Variants in XYLT1 observed in about 807,000 individuals in gnomAD.
XYLT1 encodes xylosyltransferase 1, also known as beta-D-xylosyltransferase 1.
A neutral mutation model predicts 91.3 loss-of-function variants in XYLT1; 36 were observed. That is an observed-to-expected ratio of 0.39 (90% CI 0.30 to 0.52). The LOEUF is 0.52. XYLT1 is among the 20% of genes least tolerant of loss of function. The pLI, the probability that XYLT1 is intolerant of heterozygous loss-of-function variation, is 0.68. For missense variants in XYLT1, 1,242 were observed against 1,284.5 expected (o/e 0.97, Z 0.51); for synonymous variants, 588 against 532.0 (o/e 1.11, Z -1.45).
intron 5 of XYLT1, among the ~76,000 whole-genome samples, chr16:17,162,085 T>C (rs895449170): frequency 6.6e-6 from 1 of 152,200 alleles, no homozygotes; most frequent in African/African-American, 2.4e-5. Context: ...CACATTTTAT[T>C]GCATTTGATA....
chr16:17,183,352 A>G (rs1205495391), intron 5 of XYLT1, among the ~76,000 whole-genome samples: 2 of 152,202 alleles, frequency 1.3e-5, no homozygotes, highest in Admixed American at 1.3e-4. Flanking sequence ...TCATCCAGAT[A>G]CAGAAACCAA....
intron 1 of XYLT1, among the ~76,000 whole-genome samples, chr16:17,423,049 G>A (rs1404894207): frequency 6.6e-6 from 1 of 152,332 alleles, no homozygotes; most frequent in Admixed American, 6.5e-5. Context: ...CCAAATGTGG[G>A]ACCTTCAATA....
intron 1 of XYLT1, among the ~76,000 whole-genome samples, chr16:17,432,022 T>C (rs1259594734): frequency 1.1e-4 from 17 of 152,180 alleles, no homozygotes; most frequent in Non-Finnish European, 2.5e-4. Context: ...ATACCAATGG[T>C]TGTATTTCAC....
At chr16:17,191,023 T>C (rs1189011040) in intron 5 of XYLT1, among the ~76,000 whole-genome samples, 1 of 152,142 alleles carries the variant, frequency 6.6e-6, no homozygotes, top group African/African-American at 2.4e-5. Context: ...AACCCTGCCT[T>C]ATTTGGTTGT....
chr16:17,231,988 G>C (rs1338492647), intron 3 of XYLT1, among the ~76,000 whole-genome samples: 1 of 150,880 alleles, frequency 6.6e-6, no homozygotes, highest in Non-Finnish European at 1.5e-5. Context: ...AATGTAACTA[G>C]TCCATAGGAA....
At position 17,229,480 on chromosome 16, in the gene XYLT1, G is replaced by GC. The variant is rs2033126424; in HGVS notation, c.914-28827dup. On this transcript the variant is annotated intron_variant, in intron 3 of 11. Coordinates refer to ENST00000261381, the MANE Select transcript of XYLT1 (RefSeq NM_022166.4). ...GTATGGAGTCTACTCCAAGTGCTGG[G>GC]CTAGGCCCCAGCCTTATGGCTTATG... is the stretch of plus-strand genomic sequence containing the variant. Among the ~76,000 whole-genome samples, 6 of 152,328 alleles carry GC rather than the reference G, an allele frequency of 3.9e-5. No homozygotes were observed. In the South Asian group the frequency reaches 1.2e-3, roughly 32 times the overall value.
At chr16:17,314,312 C>T (rs2034592938) in intron 2 of XYLT1, among the ~76,000 whole-genome samples, 2 of 152,152 alleles carry the variant, frequency 1.3e-5, no homozygotes, top group African/African-American at 4.8e-5. Flanking sequence ...ACTCATCACC[C>T]ACAAAACAGC....
intron 2 of XYLT1, among the ~76,000 whole-genome samples, chr16:17,274,937 G>C (rs549785376): frequency 1.2e-4 from 18 of 152,146 alleles, no homozygotes; most frequent in Non-Finnish European, 2.5e-4. Flanking sequence ...AGCACTTTGG[G>C]AGGCTGAGGC....
chr16:17,421,935 T>C (rs1567197391), intron 1 of XYLT1, among the ~76,000 whole-genome samples: 1 of 152,168 alleles, frequency 6.6e-6, no homozygotes, highest in Non-Finnish European at 1.5e-5. Context: ...ACTCCTGGGC[T>C]GAAGCAATGT....
chr16:17,391,038 A>G (rs1408426686), intron 1 of XYLT1, among the ~76,000 whole-genome samples: 2 of 151,990 alleles, frequency 1.3e-5, no homozygotes, highest in Admixed American at 6.5e-5. Flanking sequence ...ACTCCTTCTC[A>G]AAAGAAAAAA....
chr16:17,261,628 G>C (rs1452411510), intron 2 of XYLT1, among the ~76,000 whole-genome samples: 1 of 152,174 alleles, frequency 6.6e-6, no homozygotes, highest in Non-Finnish European at 1.5e-5. Flanking sequence ...CCAGCTAAAT[G>C]AATCTGCTAG....
rs1264164741 is a variant in XYLT1 at position 17,102,526 on chromosome 16, T to C, written c.*6169A>G. On this transcript the variant is annotated 3_prime_UTR_variant, in exon 12 of 12. Transcript: ENST00000261381. ...ATACAGCTAAGGCACAATTTTGTTG[T>C]TGTTGTTGTTCTGCAAAATAAAAAG... The C allele has an allele frequency of 1.3e-5, 2 of 152,600 alleles. No individual in the cohort carries two copies. The highest frequency in any genetic ancestry group is 4.8e-5 in the African/African-American group (2 of 41,448). The allele number at this position is 152,600 out of a possible 1,614,324, so 9.5% of individuals were successfully genotyped here. A position where few individuals can be genotyped will look rare whatever the true frequency, so the allele number is the denominator to read the frequency against.
At chr16:17,305,960 G>A (rs1428151480) in intron 2 of XYLT1, among the ~76,000 whole-genome samples, 1 of 152,084 alleles carries the variant, frequency 6.6e-6, no homozygotes, top group Non-Finnish European at 1.5e-5. Flanking sequence ...TCTGGCTAAG[G>A]ACAGGAAGGG....
intron 3 of XYLT1, among the ~76,000 whole-genome samples, chr16:17,239,110 T>C (rs1219259056): frequency 1.3e-5 from 2 of 152,218 alleles, no homozygotes; most frequent in South Asian, 4.1e-4. Context: ...TTTTCCTCTT[T>C]CTTAATTGAA....
At chr16:17,275,999 T>TAC (rs1365687933) in intron 2 of XYLT1, among the ~76,000 whole-genome samples, 2 of 152,008 alleles carry the variant, frequency 1.3e-5, no homozygotes, top group East Asian at 3.9e-4. Flanking sequence ...TAGATGCACA[T>TAC]ACACACACAC....
intron 5 of XYLT1, among the ~76,000 whole-genome samples, chr16:17,164,691 T>C (rs561231618): frequency 6.6e-6 from 1 of 152,344 alleles, no homozygotes; most frequent in Admixed American, 6.5e-5. Context: ...TATTGTATCA[T>C]ACCTTAGAAT....
rs866870855 is a variant in XYLT1, at chr16:17,379,756, C to T, written c.364-21706G>A. Among the ~76,000 whole-genome samples, 775 of 134,940 alleles carry T rather than the reference C, an allele frequency of 5.7e-3. 8 individuals carry two copies. The highest frequency in any genetic ancestry group is 0.022 in the African/African-American group (696 of 31,912). 88.5% of individuals were successfully genotyped at this position (134,940 alleles called of 152,430 possible). A position where few individuals can be genotyped will look rare whatever the true frequency, so the allele number is the denominator to read the frequency against. The stretch of plus-strand genomic sequence containing the variant: ...TCTCTCTCTCTCTCTCTCTCTCTCT[C>T]TCTCTCTCACACACACACACACACA... On this transcript the variant is annotated intron_variant, in intron 1 of 11. Coordinates refer to ENST00000261381, the MANE Select transcript of XYLT1 (RefSeq NM_022166.4).
chr16:17,182,271 T>A (rs527305673), intron 5 of XYLT1, among the ~76,000 whole-genome samples: 17 of 152,272 alleles, frequency 1.1e-4, no homozygotes, highest in Admixed American at 4.6e-4. Context: ...TACTCACAGT[T>A]CTGGAGACTG....
At chr16:17,263,599 G>T (rs942507017) in intron 2 of XYLT1, among the ~76,000 whole-genome samples, 1 of 151,704 alleles carries the variant, frequency 6.6e-6, no homozygotes, top group Middle Eastern at 3.2e-3. Flanking sequence ...AGAGAGAGGC[G>T]CAGTCAGCGA....
Sources: allele counts gnomAD v4.1 joint callset (sites outside exome capture counted in the v4.1 genomes callset), GRCh38; gene constraint gnomAD v4.1.1; transcripts MANE v1.5; gene names NCBI Gene and HGNC (gene_info 2026-07-23, HGNC 2026-07-21).